Variants in PRKG1 observed in about 807,000 individuals in gnomAD.
PRKG1 encodes protein kinase cGMP-dependent 1.
PRKG1 carries 35 observed loss-of-function variants against 88.1 expected under a neutral mutation model. That is an observed-to-expected ratio of 0.40 (90% CI 0.30 to 0.53). PRKG1 has a LOEUF of 0.53. Ranked by LOEUF, PRKG1 falls within the 20% of genes least tolerant of loss-of-function variation. The pLI is 0.59. For synonymous variants in PRKG1, 303 were observed against 292.5 expected (o/e 1.04, Z -0.37); for missense variants, 540 against 839.8 (o/e 0.64, Z 4.41).
At chr10:51,788,525 A>G (rs747316139) in intron 3 of PRKG1, among the ~76,000 whole-genome samples, 3 of 152,170 alleles carry the variant, frequency 2.0e-5, no homozygotes, top group Admixed American at 2.0e-4. Flanking sequence ...AGAGAATGAC[A>G]TATAATTTAC....
intron 4 of PRKG1, among the ~76,000 whole-genome samples, chr10:51,866,645 G>A (rs1005104954): frequency 6.6e-6 from 1 of 152,060 alleles, no homozygotes; most frequent in South Asian, 2.1e-4. Flanking sequence ...TGCCCATGAG[G>A]TACACTAATT....
At chr10:52,224,590 G>A (rs57202857) in intron 9 of PRKG1, among the ~76,000 whole-genome samples, 43,482 of 82,792 alleles carry the variant, frequency 0.53, 11,676 homozygotes, top group East Asian at 0.67. Flanking sequence ...TCTATCCTTC[G>A]CCCCACCTCC....
intron 5 of PRKG1, among the ~76,000 whole-genome samples, chr10:51,988,486 T>C (rs1021419221): frequency 1.3e-5 from 2 of 152,052 alleles, no homozygotes; most frequent in Non-Finnish European, 2.9e-5. Flanking sequence ...CCAACAGCAG[T>C]AAGTGTGTGG....
At chr10:51,718,446 G>A (rs1232262091) in intron 3 of PRKG1, among the ~76,000 whole-genome samples, 1 of 152,106 alleles carries the variant, frequency 6.6e-6, no homozygotes, top group Non-Finnish European at 1.5e-5. Context: ...CAAGCTAGGT[G>A]CATTAGATAG....
chr10:52,162,040 G>T, intron 9 of PRKG1, 77 bp downstream of exon 9: 1 of 1,260,990 alleles, frequency 7.9e-7, no homozygotes, highest in South Asian at 1.2e-5. Context: ...TGTTGGACTT[G>T]ACACATCCCA....
chr10:51,047,002 A>G (rs2132764312), intron 1 of PRKG1, among the ~76,000 whole-genome samples: 1 of 152,324 alleles, frequency 6.6e-6, no homozygotes, highest in Admixed American at 6.5e-5. Context: ...CATTTTTGAT[A>G]AAATGGAATA....
intron 2 of PRKG1, among the ~76,000 whole-genome samples, chr10:51,287,101 T>G (rs1283898434): frequency 6.6e-6 from 1 of 152,206 alleles, no homozygotes; most frequent in East Asian, 1.9e-4. Flanking sequence ...GGTTTTGAAC[T>G]CCTTGTCTCA....
At chr10:52,063,882 C>T (rs1003368775) in intron 7 of PRKG1, among the ~76,000 whole-genome samples, 8 of 152,148 alleles carry the variant, frequency 5.3e-5, no homozygotes, top group South Asian at 2.1e-4. Flanking sequence ...CTCCTCTCTG[C>T]AGCTGGTCAT....
chr10:51,929,346 C>CT (rs67175480), intron 5 of PRKG1, among the ~76,000 whole-genome samples: 26,228 of 109,882 alleles, frequency 0.24, 3,936 homozygotes, highest in Non-Finnish European at 0.3. Context: ...GAATTCCTTC[C>CT]TTTTTTTTTT....
At position 51,808,117 on chromosome 10, in the gene PRKG1, AT is replaced by A. The variant is rs1167134000; in HGVS notation, c.698+3429del. 1.1e-4 allele frequency among the ~76,000 whole-genome samples: 16 copies of A among 152,288 alleles called. No individual in the cohort carries two copies. In the East Asian group the frequency reaches 2.3e-3, roughly 22 times the overall value. ...ATCAAAAACTCAGAAGACAAAATTA[AT>A]TGCTTTCCTGTAACTTCAGAATTAC... On this transcript the variant is annotated intron_variant, in intron 4 of 17. Coordinates refer to ENST00000373980, the MANE Select transcript of PRKG1 (RefSeq NM_006258.4).
chr10:51,334,656 C>G (rs1264825126), intron 2 of PRKG1, among the ~76,000 whole-genome samples: 1 of 152,148 alleles, frequency 6.6e-6, no homozygotes, highest in African/African-American at 2.4e-5. Context: ...TTCCAAGGAA[C>G]AACTTTTATC....
At chr10:51,400,008 A>G (rs1328693580) in intron 2 of PRKG1, among the ~76,000 whole-genome samples, 2 of 152,142 alleles carry the variant, frequency 1.3e-5, no homozygotes, top group Non-Finnish European at 2.9e-5. Flanking sequence ...TCCAGACTTC[A>G]TTGGCAATTG....
rs141388769 is a variant in PRKG1 at position 51,147,947 on chromosome 10, A to T, written c.312-5217A>T. Among the ~76,000 whole-genome samples, 8 of 152,302 alleles carry T rather than the reference A, an allele frequency of 5.3e-5. No individual in the cohort carries two copies. The East Asian group carries it at 1.5e-3, about 29-fold the overall frequency. ...TTTATCTTTATGTGGGCTGGTTGGT[A>T]GTTCTTAGCTCTTAGCCAGCTTATA... On this transcript the variant is annotated intron_variant, in intron 1 of 17. Transcript: ENST00000373980.
intron 1 of PRKG1, among the ~76,000 whole-genome samples, chr10:51,106,553 T>G (rs946326605): frequency 6.6e-6 from 1 of 152,176 alleles, no homozygotes; most frequent in African/African-American, 2.4e-5. Flanking sequence ...GGGAAAAGTC[T>G]GTGCCCGCCT....
chr10:51,888,236 T>A (rs947565727), intron 4 of PRKG1, among the ~76,000 whole-genome samples: 1 of 152,210 alleles, frequency 6.6e-6, no homozygotes, highest in African/African-American at 2.4e-5. Flanking sequence ...AATTGAAAAC[T>A]GAAGTCAGGG....
intron 1 of PRKG1, among the ~76,000 whole-genome samples, chr10:51,093,319 T>A (rs937087261): frequency 6.6e-6 from 1 of 152,020 alleles, no homozygotes; most frequent in Non-Finnish European, 1.5e-5. Context: ...TGGAATAATA[T>A]AGGATGGGAA....
intron 3 of PRKG1, among the ~76,000 whole-genome samples, chr10:51,790,616 T>G (rs771770946): frequency 7.2e-5 from 11 of 152,186 alleles, no homozygotes; most frequent in African/African-American, 1.2e-4. Context: ...GTCTTTAAAT[T>G]TGTTCATAGA....
intron 3 of PRKG1, among the ~76,000 whole-genome samples, chr10:51,593,429 C>A (rs1838362229): frequency 6.6e-6 from 1 of 152,132 alleles, no homozygotes; most frequent in Non-Finnish European, 1.5e-5. Flanking sequence ...TTACCTTAGC[C>A]TCCTGTCCAT....
intron 2 of PRKG1, among the ~76,000 whole-genome samples, chr10:51,457,272 A>T (rs293279): frequency 9.2e-5 from 14 of 151,960 alleles, no homozygotes; most frequent in African/African-American, 2.9e-4. Context: ...TAATGGCATT[A>T]GCAGCAACCT....
Sources: allele counts gnomAD v4.1 joint callset (sites outside exome capture counted in the v4.1 genomes callset), GRCh38; gene constraint gnomAD v4.1.1; transcripts MANE v1.5; gene names NCBI Gene and HGNC (gene_info 2026-07-23, HGNC 2026-07-21).